ACAD11: variants seen among roughly 807,000 people sequenced by gnomAD.
ACAD11 encodes acyl-CoA dehydrogenase family member 11.
In ACAD11, 83 loss-of-function variants were observed where a neutral mutation model predicts 102.2. That is an observed-to-expected ratio of 0.81 (90% confidence interval 0.68 to 0.97). The LOEUF (loss-of-function observed/expected upper bound fraction) is 0.97, where lower values mean the gene tolerates loss of function less well. Among genes scored for constraint, ACAD11 ranks in the 50% least tolerant of loss-of-function variants. The pLI is 0.00. For synonymous variants in ACAD11, 324 were observed against 319.8 expected, an observed-to-expected ratio of 1.01 and a Z score of -0.14; for missense variants, 901 against 951.7, an observed-to-expected ratio of 0.95 and a Z score of 0.70.
Position 132,578,859 on chromosome 3 carries a change from G to A in ACAD11, c.1711C>T (p.Leu571Phe). 6.2e-7 allele frequency: 1 copy of A among 1,612,920 alleles called. No individual in the cohort carries two copies. Among genetic ancestry groups the A allele is most frequent in the Non-Finnish European group, 8.5e-7 (1 of 1,179,348 alleles). Reference sequence around the variant, plus strand: ...ACTCCAGGTGTGTTCATGGGAACAAGAATCATGCTGTGCTGTTTGTGTCTA... The same window carrying A: ...ACTCCAGGTGTGTTCATGGGAACAAAAATCATGCTGTGCTGTTTGTGTCTA... ...LSRHKQHSMI[L>F]VPMNTPGVKI... The change falls in exon 15 of 20, where the codon CTT becomes TTT. Residue 571 changes from leucine to phenylalanine, a missense_variant. Transcript: ENST00000264990.
At position 132,659,643 on chromosome 3, in the gene ACAD11, CA is replaced by C; in HGVS notation, c.108del (p.Phe36LeufsTer9). 6.2e-7 allele frequency: 1 copy of C among 1,611,342 alleles called. No individual in the cohort carries two copies. The highest frequency in any genetic ancestry group is 1.1e-5 in the South Asian group (1 of 90,630). ...GTCAGCGTAGCCTCACGTTCGGCCC[CA>C]AAGCCAGACAAGTGCTGGTTTAGGT... The part of the protein sequence containing the change: ...EAYLNQHLSG[F>X]GAEREATLTI... On this transcript the variant is annotated frameshift_variant, in exon 1 of 20. Transcript: ENST00000264990. LOFTEE classifies it high-confidence loss of function.
Position 132,619,533 on chromosome 3 carries a change from A to G in ACAD11, c.1210T>C (p.Phe404Leu), listed in dbSNP as rs771424961. 5 of 1,587,154 alleles carry G rather than the reference A, an allele frequency of 3.2e-6. No homozygotes were observed. In the Admixed American group the frequency reaches 7.3e-5, roughly 23 times the overall value. The change falls in exon 10 of 20, where the codon TTC becomes CTC. Residue 404 changes from phenylalanine to leucine, a missense_variant. By Grantham distance (22) the Phe-to-Leu change is conservative (BLOSUM62 0). Transcript: ENST00000264990. Reference protein sequence around the residue: ...ILPAEKEVTEFYVQNENSVDK... With the variant: ...ILPAEKEVTELYVQNENSVDK... ...ACTGAATTTTCATTTTGAACATAGA[A>G]CTCAGTTACCTCCTTAAAGTAATAA... is the stretch of plus-strand genomic sequence containing the variant.
At chr3:132,572,792 G>A (rs1231997411) in intron 17 of ACAD11, among the ~76,000 whole-genome samples, 1 of 152,198 alleles carries the variant, frequency 6.6e-6, no homozygotes, top group African/African-American at 2.4e-5. Context: ...ATGGAGAAAG[G>A]ACTCCCTTAT....
intron 5 of ACAD11, 75 bp downstream of exon 5, chr3:132,639,417 C>T: frequency 2.8e-6 from 4 of 1,431,630 alleles, no homozygotes; most frequent in Non-Finnish European, 3.8e-6. Context: ...CCTCAGTGCT[C>T]TGGGGGGAGC....
chr3:132,575,332 A>C (rs1937507383), intron 17 of ACAD11, among the ~76,000 whole-genome samples: 1 of 152,178 alleles, frequency 6.6e-6, no homozygotes, highest in African/African-American at 2.4e-5. Context: ...GAAGAAGCTG[A>C]TTCCACTTTT....
In ACAD11 at chr3:132,603,316, C is replaced by T; in HGVS notation, c.1534G>A (p.Ala512Thr). Residue 512 changes from alanine to threonine, a missense_variant, in exon 13 of 20, where the codon GCT becomes ACT. Physicochemically the swap from Ala to Thr is moderately conservative, Grantham distance 58 (BLOSUM62 0). Coordinates refer to ENST00000264990, the MANE Select transcript of ACAD11 (RefSeq NM_032169.5). ...TCAATATTCGTGGCATCACTTGAAG[C>T]TACATCAGGTTCTATAAATAAACAA... ...SCFCMTEPDVASSDATNIECS... is the reference protein window; with the variant it reads ...SCFCMTEPDVTSSDATNIECS... 1.2e-6 allele frequency: 2 copies of T among 1,613,750 alleles called. No individual in the cohort carries two copies. The highest frequency in any genetic ancestry group is 1.7e-6 in the Non-Finnish European group (2 of 1,179,808).
At chr3:132,643,728 G>C (rs898418621) in intron 2 of ACAD11, among the ~76,000 whole-genome samples, 2 of 152,184 alleles carry the variant, frequency 1.3e-5, no homozygotes, top group South Asian at 2.1e-4. Context: ...TGGGAAACGA[G>C]GGGGAGGGGG....
chr3:132,574,267 C>A (rs1439766150), intron 17 of ACAD11, among the ~76,000 whole-genome samples: 1 of 152,148 alleles, frequency 6.6e-6, no homozygotes, highest in Non-Finnish European at 1.5e-5. Context: ...ATGGTTGGTG[C>A]CCTGAGCACC....
In ACAD11 at chr3:132,641,969, T is replaced by C. The variant is rs753394980; in HGVS notation, c.537+3A>G. ...AAAATAGCTATTAATGTGGATGCATTACCTGTCTTTTGCAGTACCCAGCAC... is the reference window on the plus strand; with the variant it reads ...AAAATAGCTATTAATGTGGATGCATCACCTGTCTTTTGCAGTACCCAGCAC... On this transcript the variant is annotated splice_donor_region_variant and intron_variant, in intron 4 of 19. Transcript: ENST00000264990. 58 of 1,596,772 alleles carry C rather than the reference T, an allele frequency of 3.6e-5. No individual in the cohort carries two copies. The highest frequency in any genetic ancestry group is 1.3e-5 in the African/African-American group (1 of 74,538).
chr3:132,579,130 T>A, intron 14 of ACAD11: 1 of 1,255,930 alleles, frequency 8.0e-7, no homozygotes, highest in Non-Finnish European at 1.1e-6. Flanking sequence ...CAATGGTAAC[T>A]GGGAACTTAT....
intron 4 of ACAD11, among the ~76,000 whole-genome samples, chr3:132,641,560 T>TGAAGAAGAAGAAGAA (rs370839030): frequency 3.0e-4 from 30 of 99,564 alleles, no homozygotes; most frequent in African/African-American, 1.3e-3. Context: ...ATGATGATGA[T>TGAAGAAGAAGAAGAA]GAAGAAGAAG....
chr3:132,642,855 T>G, intron 2 of ACAD11, 53 bp from the exon 3 acceptor site: 1 of 1,553,748 alleles, frequency 6.4e-7, no homozygotes, highest in African/African-American at 1.4e-5. Flanking sequence ...TAATTGTAAT[T>G]AAATTTAATA....
chr3:132,600,411 A>G, intron 13 of ACAD11: 1 of 1,591,928 alleles, frequency 6.3e-7, no homozygotes, highest in Non-Finnish European at 8.6e-7. Flanking sequence ...GCTTTGGAAC[A>G]GAACCAGTCA....
intron 9 of ACAD11, among the ~76,000 whole-genome samples, chr3:132,626,407 G>C (rs1260844194): frequency 6.6e-6 from 1 of 151,056 alleles, no homozygotes; most frequent in East Asian, 1.9e-4. Flanking sequence ...AAAAAAAGCT[G>C]AAACTTACTG....
chr3:132,605,058 C>T (rs764523134), intron 12 of ACAD11, 40 bp downstream of exon 12: 39 of 1,472,980 alleles, frequency 2.6e-5, no homozygotes, highest in African/African-American at 9.7e-5. Flanking sequence ...AACTCCGGGA[C>T]GACTGACTAC....
At chr3:132,587,993 A>G (rs1447447364) in intron 13 of ACAD11, among the ~76,000 whole-genome samples, 1 of 152,112 alleles carries the variant, frequency 6.6e-6, no homozygotes, top group African/African-American at 2.4e-5. Context: ...TGGTTGCCCT[A>G]GACACTCTCC....
intron 17 of ACAD11, among the ~76,000 whole-genome samples, chr3:132,562,650 G>GT (rs1170037789): frequency 6.6e-6 from 1 of 152,288 alleles, no homozygotes; most frequent in Admixed American, 6.5e-5. Flanking sequence ...AGATATCATG[G>GT]TTTTAATTTG....
intron 13 of ACAD11, among the ~76,000 whole-genome samples, chr3:132,593,670 C>T (rs917185481): frequency 6.6e-6 from 1 of 152,082 alleles, no homozygotes; most frequent in African/African-American, 2.4e-5. Context: ...TTTTGTTGGC[C>T]AGGATGGGTG....
At chr3:132,614,327 T>C (rs935864060) in intron 11 of ACAD11, among the ~76,000 whole-genome samples, 1 of 152,186 alleles carries the variant, frequency 6.6e-6, no homozygotes, top group Admixed American at 6.5e-5. Context: ...AAAAGTACTT[T>C]AAATTTCATA....
Sources: gnomAD v4.1 joint callset for allele counts (sites outside exome capture counted in the v4.1 genomes callset) on GRCh38, gnomAD v4.1.1 for gene constraint, MANE v1.5 for transcripts, NCBI Gene and HGNC (gene_info 2026-07-23, HGNC 2026-07-21) for gene names.